Variants in PTPRG observed in about 807,000 individuals in gnomAD.
The protein encoded by PTPRG is receptor-type tyrosine-protein phosphatase gamma.
In PTPRG, 102 loss-of-function variants were observed where a neutral mutation model predicts 165.3. The observed-to-expected ratio is 0.62, with a 90% CI of 0.53 to 0.73. The LOEUF (loss-of-function observed/expected upper bound fraction) is 0.73, where lower values mean the gene tolerates loss of function less well. PTPRG is among the 30% of genes least tolerant of loss of function. The pLI is 0.00. For synonymous variants in PTPRG, 675 were observed against 669.5 expected, an observed-to-expected ratio of 1.01 and a Z score of -0.13; for missense variants, 1,866 against 1,861.4, an observed-to-expected ratio of 1.00 and a Z score of -0.05.
chr3:61,571,761 A>G (rs375057194), intron 1 of PTPRG, among the ~76,000 whole-genome samples: 8 of 152,136 alleles, frequency 5.3e-5, no homozygotes, highest in African/African-American at 1.7e-4. Flanking sequence ...TGTCCCATGT[A>G]TATCATCTAA....
At chr3:61,934,631 A>T (rs189956001) in intron 2 of PTPRG, among the ~76,000 whole-genome samples, 2 of 152,220 alleles carry the variant, frequency 1.3e-5, no homozygotes. Context: ...CATTGTGGCC[A>T]GCTGGAAGGT....
chr3:61,891,914 T>G (rs2038224826), intron 2 of PTPRG, among the ~76,000 whole-genome samples: 1 of 152,198 alleles, frequency 6.6e-6, no homozygotes, highest in African/African-American at 2.4e-5. Context: ...TTCTTTTTTT[T>G]TTTCAGTAAA....
intron 5 of PTPRG, among the ~76,000 whole-genome samples, chr3:62,128,242 T>C (rs1182138768): frequency 2.0e-5 from 3 of 152,196 alleles, no homozygotes; most frequent in Non-Finnish European, 4.4e-5. Flanking sequence ...GGTGTCTGTT[T>C]CTTCTAGTCC....
Position 62,240,212 on chromosome 3 carries a change from G to T in PTPRG, c.2376-3595G>T, listed in dbSNP as rs1701126626. Among the ~76,000 whole-genome samples, 1 of 152,154 alleles carries T rather than the reference G, an allele frequency of 6.6e-6. No homozygotes were observed. Among genetic ancestry groups the T allele is most frequent in the Admixed American group, 6.5e-5 (1 of 15,272 alleles). On this transcript the variant is annotated intron_variant, in intron 14 of 29. Coordinates refer to ENST00000474889, the MANE Select transcript of PTPRG (RefSeq NM_002841.4). The surrounding 1 kb of genome is among the most constrained non-coding windows in gnomAD (Gnocchi z 5.1). ...AAAATAAAACCCCCATGTAGTCCCAGCTACTTAGGAGGCTGAGGCACGAGA... is the reference window on the plus strand; with the variant it reads ...AAAATAAAACCCCCATGTAGTCCCATCTACTTAGGAGGCTGAGGCACGAGA...
chr3:61,731,418 T>G (rs1187753106), intron 1 of PTPRG, among the ~76,000 whole-genome samples: 5 of 150,464 alleles, frequency 3.3e-5, no homozygotes, highest in African/African-American at 9.8e-5. Context: ...TCACAATCTC[T>G]GCTCACTGCA....
chr3:61,704,552 G>A (rs1440568149), intron 1 of PTPRG, among the ~76,000 whole-genome samples: 1 of 151,996 alleles, frequency 6.6e-6, no homozygotes, highest in Non-Finnish European at 1.5e-5. Context: ...ATTGCCAGAT[G>A]TCCCCTGGAG....
At chr3:61,660,106 T>G (rs1271724391) in intron 1 of PTPRG, among the ~76,000 whole-genome samples, 1 of 152,120 alleles carries the variant, frequency 6.6e-6, no homozygotes, top group African/African-American at 2.4e-5. Context: ...GTGCCTGTAG[T>G]CCCAGCTACT....
At position 61,671,537 on chromosome 3, in the gene PTPRG, C is replaced by T. The variant is rs1352983429; in HGVS notation, c.86-77341C>T. Among the ~76,000 whole-genome samples, 15 of 148,516 alleles carry T rather than the reference C, an allele frequency of 1.0e-4. No homozygotes were observed. In the East Asian group the frequency reaches 1.8e-3, roughly 18 times the overall value. ...AAAATGAAAAGTCTCCCATGTCTACCTCTTTCTACACAGACACGGCAACCA... is the reference window on the plus strand; with the variant it reads ...AAAATGAAAAGTCTCCCATGTCTACTTCTTTCTACACAGACACGGCAACCA... On this transcript the variant is annotated intron_variant, in intron 1 of 29. Coordinates refer to ENST00000474889, the MANE Select transcript of PTPRG (RefSeq NM_002841.4).
intron 8 of PTPRG, among the ~76,000 whole-genome samples, chr3:62,191,214 G>GCACGTGTGTGTGCATCTGTGTCCCTTGCA (rs1262360210): frequency 6.6e-6 from 1 of 151,654 alleles, no homozygotes; most frequent in African/African-American, 2.4e-5. Flanking sequence ...TGTGTCCCGT[G>GCACGTGTGTGTGCATCTGTGTCCCTTGCA]CACGTGTGTG....
chr3:61,611,788 A>AT (rs1247784286), intron 1 of PTPRG, among the ~76,000 whole-genome samples: 3 of 152,256 alleles, frequency 2.0e-5, no homozygotes, highest in Admixed American at 1.3e-4. Context: ...AACTTTATTT[A>AT]TAGACTCTGA....
At chr3:62,230,833 CCAAGTTCACTTTA>C (rs1034220909) in intron 13 of PTPRG, among the ~76,000 whole-genome samples, 1 of 152,178 alleles carries the variant, frequency 6.6e-6, no homozygotes. Context: ...CAAATGATCT[CCAAGTTCACTTTA>C]CTCCAATGAT....
chr3:61,922,371 T>C (rs1349632100), intron 2 of PTPRG, among the ~76,000 whole-genome samples: 3 of 152,332 alleles, frequency 2.0e-5, no homozygotes, highest in Non-Finnish European at 2.9e-5. Flanking sequence ...TCAAAAGATG[T>C]GCGCTCTGGT....
intron 2 of PTPRG, among the ~76,000 whole-genome samples, chr3:61,834,528 C>T (rs532779461): frequency 7.8e-4 from 118 of 152,022 alleles, no homozygotes; most frequent in African/African-American, 2.2e-3. Context: ...TTCTTAAAAA[C>T]ATAAGGCTTG....
chr3:62,179,096 C>G (rs1279346370), intron 8 of PTPRG, among the ~76,000 whole-genome samples: 1 of 152,190 alleles, frequency 6.6e-6, no homozygotes, highest in Non-Finnish European at 1.5e-5. Flanking sequence ...TTGGTTGAAG[C>G]TGTTTTTCTT....
chr3:61,748,626 T>C (rs761275015), intron 1 of PTPRG, among the ~76,000 whole-genome samples: 1 of 152,224 alleles, frequency 6.6e-6, no homozygotes, highest in South Asian at 2.1e-4. Flanking sequence ...AGATAATGTA[T>C]ATGAAGTGCT....
intron 5 of PTPRG, chr3:62,118,233 T>C (rs1216217027): frequency 1.3e-5 from 2 of 152,254 alleles, no homozygotes; most frequent in Non-Finnish European, 2.9e-5. Flanking sequence ...GGCCATGAGC[T>C]CTCTGTTCCA....
At chr3:61,694,377 G>A (rs913444287) in intron 1 of PTPRG, among the ~76,000 whole-genome samples, 6 of 152,164 alleles carry the variant, frequency 3.9e-5, no homozygotes, top group South Asian at 2.1e-4. Flanking sequence ...GTTGATTGGC[G>A]AAGATCAAAA....
At chr3:62,114,156 GGA>G (rs900179606) in intron 5 of PTPRG, among the ~76,000 whole-genome samples, 3 of 152,094 alleles carry the variant, frequency 2.0e-5, no homozygotes, top group Non-Finnish European at 2.9e-5. Flanking sequence ...AAACTTACCT[GGA>G]CATGGTGGCA....
chr3:61,848,374 C>G (rs967017394), intron 2 of PTPRG, among the ~76,000 whole-genome samples: 7 of 152,230 alleles, frequency 4.6e-5, no homozygotes, highest in Non-Finnish European at 7.3e-5. Flanking sequence ...CTTTGTGTGC[C>G]TGACCTCTGA....
Sources: gnomAD v4.1 joint callset for allele counts (sites outside exome capture counted in the v4.1 genomes callset) on GRCh38, gnomAD v4.1.1 for gene constraint, Gnocchi (gnomAD v3.1) non-coding constraint, MANE v1.5 for transcripts, NCBI Gene and HGNC (gene_info 2026-07-23, HGNC 2026-07-21) for gene names.